Variants in TSPEAR observed in about 807,000 individuals in gnomAD.
TSPEAR encodes thrombospondin type laminin G domain and EAR repeats, also known as thrombospondin-type laminin G domain and EAR repeat-containing protein.
A neutral mutation model predicts 71.6 loss-of-function variants in TSPEAR; 69 were observed. The ratio of observed to expected loss-of-function variants is 0.96; its 90% CI spans 0.79 to 1.18. TSPEAR has a LOEUF of 1.18. Among genes scored for constraint, TSPEAR ranks in the 50% most tolerant of loss-of-function variants. TSPEAR has a pLI of 0.00. For synonymous variants in TSPEAR, 402 were observed against 387.2 expected, an observed-to-expected ratio of 1.04 and a Z score of -0.45; for missense variants, 971 against 894.9, an observed-to-expected ratio of 1.09 and a Z score of -1.09.
At chr21:44,602,027 GACAGGT>G in intron 1 of TSPEAR, 1 of 534,796 alleles carries the variant, frequency 1.9e-6, no homozygotes, top group Non-Finnish European at 3.4e-6. Context: ...AATGAGGGTA[GACAGGT>G]ACCAACTGGG....
At chr21:44,658,228 C>A (rs1555942973) in intron 1 of TSPEAR, 11 of 1,614,132 alleles carry the variant, frequency 6.8e-6, no homozygotes, top group Non-Finnish European at 9.3e-6. Context: ...GCACCACTGC[C>A]CTCTGCAGAC....
In TSPEAR at chr21:44,710,815, A is replaced by C. The variant is rs1988181683; in HGVS notation, c.82+618T>G. ...TGAGCAAGCCAAACAGCCTTTCTAA[A>C]AGGTGGGAAGGAGACCCCCAGGCTT... On this transcript the variant is annotated intron_variant, in intron 1 of 11. Coordinates refer to ENST00000323084, the MANE Select transcript of TSPEAR (RefSeq NM_144991.3). This position sits in a 1 kb window ranked among gnomAD's most constrained non-coding sequence, Gnocchi z 4.6. Among the ~76,000 whole-genome samples, 1 of 152,228 alleles carries C rather than the reference A, an allele frequency of 6.6e-6. No individual in the cohort carries two copies. Among genetic ancestry groups the C allele is most frequent in the African/African-American group, 2.4e-5 (1 of 41,454 alleles).
chr21:44,592,712 C>G (rs437371), intron 1 of TSPEAR, among the ~76,000 whole-genome samples: 37,945 of 152,004 alleles, frequency 0.25, 10,181 homozygotes, highest in African/African-American at 0.67. Context: ...GGATCCCTGG[C>G]GGCAGGAATT....
chr21:44,553,709 AG>A (rs1310708598), intron 2 of TSPEAR, among the ~76,000 whole-genome samples: 1 of 143,656 alleles, frequency 7.0e-6, no homozygotes, highest in Non-Finnish European at 1.5e-5. Flanking sequence ...ATGAATTTCA[AG>A]AAAATCAGGC....
chr21:44,620,921 G>A (rs1982392701), intron 1 of TSPEAR, among the ~76,000 whole-genome samples: 1 of 152,096 alleles, frequency 6.6e-6, no homozygotes. Flanking sequence ...TTGACCAATT[G>A]GTTGTTTGAA....
At position 44,509,470 on chromosome 21, in the gene TSPEAR, C is replaced by CAGAGGTGTGGGGGAGG. The variant is rs2052296031; in HGVS notation, c.1567-85_1567-84insCCTCCCCCACACCTCT. On this transcript the variant is annotated intron_variant, in intron 9 of 11. Coordinates refer to ENST00000323084, the MANE Select transcript of TSPEAR (RefSeq NM_144991.3). ...GAGCGGGCGCAGAGGTGTGGGGGAG[C>CAGAGGTGTGGGGGAGG]GGGCGCAGAGGTGTGGGGGAGGGGG... 6 of 211,570 alleles carry CAGAGGTGTGGGGGAGG rather than the reference C, an allele frequency of 2.8e-5. No individual in the cohort carries two copies. In the African/African-American group the frequency reaches 3.4e-4, roughly 12 times the overall value. The allele number at this position is 211,570 out of a possible 1,614,324, so 13.1% of individuals were successfully genotyped here.
chr21:44,505,567 T>A (rs200829812), intron 10 of TSPEAR, among the ~76,000 whole-genome samples: 1 of 8,506 alleles, frequency 1.2e-4, no homozygotes, highest in African/African-American at 2.1e-4. Context: ...CCCTCCCCCC[T>A]CCCCCCCCCC....
chr21:44,618,911 A>C (rs1982275991), intron 1 of TSPEAR, among the ~76,000 whole-genome samples: 1 of 152,224 alleles, frequency 6.6e-6, no homozygotes, highest in Admixed American at 6.5e-5. Context: ...AGGAAAAGCT[A>C]GGAGATGACA....
At chr21:44,702,758 T>G in intron 1 of TSPEAR, 2 of 1,375,250 alleles carry the variant, frequency 1.5e-6, no homozygotes, top group Non-Finnish European at 2.1e-6. Flanking sequence ...TGCTCCCACC[T>G]GGCCTGCTGA....
chr21:44,631,244 A>C (rs1250519313), intron 1 of TSPEAR, among the ~76,000 whole-genome samples: 1 of 152,242 alleles, frequency 6.6e-6, no homozygotes, highest in Non-Finnish European at 1.5e-5. Context: ...ACCAAGAGAG[A>C]ATATCAATAA....
intron 2 of TSPEAR, chr21:44,538,930 C>T (rs1203270952): frequency 1.3e-5 from 5 of 385,938 alleles, no homozygotes; most frequent in African/African-American, 8.1e-5. Flanking sequence ...TGGAGGAGAC[C>T]AATGTCAGCT....
At chr21:44,529,501 A>AG (rs2052923918) in intron 5 of TSPEAR, among the ~76,000 whole-genome samples, 2 of 152,078 alleles carry the variant, frequency 1.3e-5, no homozygotes, top group Non-Finnish European at 2.9e-5. Context: ...CAGACTTTCT[A>AG]AAGTAAGTTA....
intron 2 of TSPEAR, among the ~76,000 whole-genome samples, chr21:44,538,433 CCCCA>C (rs199877874): frequency 0.071 from 6,934 of 98,306 alleles, 575 homozygotes; most frequent in African/African-American, 0.23. Context: ...CCCCCCCCCC[CCCCA>C]AGAGGAGAAC....
chr21:44,588,720 ATG>A (rs1213788472), intron 1 of TSPEAR, among the ~76,000 whole-genome samples: 4 of 132,540 alleles, frequency 3.0e-5, no homozygotes, highest in Non-Finnish European at 4.7e-5. Flanking sequence ...ACTGATATAT[ATG>A]TGTGTGTATA....
intron 2 of TSPEAR, among the ~76,000 whole-genome samples, chr21:44,535,503 A>G (rs986343088): frequency 2.0e-5 from 3 of 152,242 alleles, no homozygotes; most frequent in South Asian, 4.1e-4. Flanking sequence ...AGTGGACAGC[A>G]CAGGGGATGG....
intron 1 of TSPEAR, among the ~76,000 whole-genome samples, chr21:44,669,759 C>T (rs1360240835): frequency 2.0e-5 from 3 of 152,202 alleles, no homozygotes; most frequent in Non-Finnish European, 2.9e-5. Context: ...GATGAACATC[C>T]GGATGCCCTT....
chr21:44,688,522 C>A (rs1986962763), intron 1 of TSPEAR, among the ~76,000 whole-genome samples: 2 of 152,138 alleles, frequency 1.3e-5, no homozygotes, highest in South Asian at 4.1e-4. Flanking sequence ...AGATGGAGAC[C>A]ATCCTGGCTA....
chr21:44,606,203 T>G (rs1489196529), intron 1 of TSPEAR, among the ~76,000 whole-genome samples: 2 of 119,758 alleles, frequency 1.7e-5, no homozygotes, highest in Non-Finnish European at 3.6e-5. Context: ...TAAATAAAAA[T>G]GGGCAAAAGA....
At chr21:44,513,568 C>T (rs1555912991) in intron 9 of TSPEAR, among the ~76,000 whole-genome samples, 1 of 152,236 alleles carries the variant, frequency 6.6e-6, no homozygotes, top group East Asian at 1.9e-4. Flanking sequence ...GGCACGGTGC[C>T]TGGCAGCTCA....
Sources: gnomAD v4.1 joint callset for allele counts (sites outside exome capture counted in the v4.1 genomes callset) on GRCh38, gnomAD v4.1.1 for gene constraint, Gnocchi (gnomAD v3.1) non-coding constraint, MANE v1.5 for transcripts, NCBI Gene and HGNC (gene_info 2026-07-23, HGNC 2026-07-21) for gene names.